The following FOCAD variants were observed in gnomAD, a reference collection of about 807,000 sequenced individuals.
FOCAD encodes the protein focadhesin.
In FOCAD, 198 loss-of-function variants were observed where a neutral mutation model predicts 225.6. That is an observed-to-expected ratio of 0.88 (90% CI 0.78 to 0.99). FOCAD has a LOEUF of 0.99. Among genes scored for constraint, FOCAD ranks in the 50% least tolerant of loss-of-function variants. The pLI, the probability that FOCAD is intolerant of heterozygous loss-of-function variation, is 0.00. For missense variants in FOCAD, 2,713 were observed against 2,123.6 expected, an observed-to-expected ratio of 1.28 and a Z score of -5.46; for synonymous variants, 897 against 755.0, an observed-to-expected ratio of 1.19 and a Z score of -3.08.
chr9:20,706,821 T>G (rs1824428181), intron 1 of FOCAD, among the ~76,000 whole-genome samples: 1 of 152,230 alleles, frequency 6.6e-6, no homozygotes, highest in African/African-American at 2.4e-5. Context: ...TCCAGGTATG[T>G]AGCCGTGCAG....
intron 34 of FOCAD, among the ~76,000 whole-genome samples, chr9:20,952,239 ATCAGGTACTAGTGAATCATCTTATAC>A (rs1212655804): frequency 6.6e-6 from 1 of 152,150 alleles, no homozygotes; most frequent in African/African-American, 2.4e-5. Flanking sequence ...ATATACTCAA[ATCAGGTACTAGTGAATCATCTTATAC>A]CCAGGTTCTT....
chr9:20,933,271 T>G (rs891479643), intron 28 of FOCAD, among the ~76,000 whole-genome samples, 168 bp downstream of exon 28: 1 of 152,192 alleles, frequency 6.6e-6, no homozygotes, highest in African/African-American at 2.4e-5. Flanking sequence ...TAGTGGTGAT[T>G]TGTGAGATTT....
chr9:20,770,048 A>G lies in FOCAD; in HGVS notation c.716A>G (p.Gln239Arg), dbSNP rs1818035183. The G allele has an allele frequency of 6.2e-7, 1 of 1,613,902 alleles. No homozygotes were observed. The highest frequency in any genetic ancestry group is 8.5e-7 in the Non-Finnish European group (1 of 1,179,912). Residue 239 changes from glutamine to arginine, a missense_variant, in exon 8 of 44, where the codon CAG (glutamine) becomes CGG (arginine). Coordinates refer to ENST00000338382, the MANE Select transcript of FOCAD (RefSeq NM_001375567.1). ...VPCLQVKDLI[Q>R]TTEAMMFIEE... is the part of the protein sequence containing the mutation. ...TTTAAACAGGTAAAAGATTTGATACAGACAACAGAGGCGATGATGTTTATT... is the reference window on the plus strand; with the variant it reads ...TTTAAACAGGTAAAAGATTTGATACGGACAACAGAGGCGATGATGTTTATT...
chr9:20,924,585 A>T (rs993795688), intron 25 of FOCAD, among the ~76,000 whole-genome samples: 1 of 152,162 alleles, frequency 6.6e-6, no homozygotes, highest in African/African-American at 2.4e-5. Context: ...ACCATTCAAA[A>T]TTATTCAGTC....
chr9:20,688,206 G>C (rs1331182211), intron 1 of FOCAD, among the ~76,000 whole-genome samples: 1 of 152,190 alleles, frequency 6.6e-6, no homozygotes, highest in Non-Finnish European at 1.5e-5. Context: ...TCAGTTTCAT[G>C]AGGCAATGTG....
intron 4 of FOCAD, among the ~76,000 whole-genome samples, chr9:20,729,109 C>G (rs1287737929): frequency 6.6e-6 from 1 of 152,194 alleles, no homozygotes; most frequent in Non-Finnish European, 1.5e-5. Flanking sequence ...TGTTAGTTTT[C>G]TAGGGCTACT....
rs570167697 is a variant in FOCAD, at chr9:20,665,136, A to T, written c.-78+6310A>T. Among the ~76,000 whole-genome samples the T allele has an allele frequency of 5.1e-4, 78 of 152,330 alleles. 2 individuals are homozygous for T. In the South Asian group the frequency reaches 0.016, roughly 31 times the overall value. On this transcript the variant is annotated intron_variant, in intron 2 of 45. Transcript: ENST00000380249. ...TGATTGTTAATGGCTTAATAGAGCT[A>T]GAGTTACTGGCTTAGAGACTGCTAA...
At chr9:20,940,537 T>C (rs879678105) in intron 28 of FOCAD, among the ~76,000 whole-genome samples, 2 of 152,144 alleles carry the variant, frequency 1.3e-5, no homozygotes, top group African/African-American at 2.4e-5. Flanking sequence ...CTCCCAACCC[T>C]GGCCTCCCAA....
chr9:20,791,092 A>G (rs1018796034), intron 11 of FOCAD, among the ~76,000 whole-genome samples: 1 of 152,178 alleles, frequency 6.6e-6, no homozygotes, highest in Non-Finnish European at 1.5e-5. Flanking sequence ...TAATCTCTAG[A>G]ATAGTTAATG....
chr9:20,908,591 T>G (rs1215258832), intron 22 of FOCAD, among the ~76,000 whole-genome samples: 1 of 152,068 alleles, frequency 6.6e-6, no homozygotes. Flanking sequence ...TTTAAAGATG[T>G]TCCTTTGGAA....
intron 35 of FOCAD, among the ~76,000 whole-genome samples, chr9:20,968,690 C>T (rs1044618474): frequency 2.6e-5 from 4 of 151,932 alleles, no homozygotes; most frequent in Non-Finnish European, 4.4e-5. Flanking sequence ...CTGCCCACCT[C>T]GGCCTCCCAA....
chr9:20,679,121 A>ATGTATG (rs919282378), intron 2 of FOCAD, among the ~76,000 whole-genome samples: 3 of 121,942 alleles, frequency 2.5e-5, no homozygotes, highest in Admixed American at 8.4e-5. Context: ...CAGTCTGTGT[A>ATGTATG]TGTGTGTGTG....
At chr9:20,792,625 T>C (rs1156649841) in intron 11 of FOCAD, among the ~76,000 whole-genome samples, 1 of 152,250 alleles carries the variant, frequency 6.6e-6, no homozygotes, top group East Asian at 1.9e-4. Context: ...TGAGGTATTT[T>C]ATTTTCTTTT....
chr9:20,690,830 C>A (rs1822927294), intron 1 of FOCAD, among the ~76,000 whole-genome samples: 1 of 152,104 alleles, frequency 6.6e-6, no homozygotes, highest in African/African-American at 2.4e-5. Flanking sequence ...TAGGCGGAGG[C>A]ACCATGCCTG....
At chr9:20,809,175 A>T (rs950277623) in intron 11 of FOCAD, among the ~76,000 whole-genome samples, 1 of 152,132 alleles carries the variant, frequency 6.6e-6, no homozygotes, top group African/African-American at 2.4e-5. Context: ...CTGTTTCCCT[A>T]TTGATAGACA....
chr9:20,915,379 C>T (rs899122697), intron 23 of FOCAD, among the ~76,000 whole-genome samples: 6 of 151,870 alleles, frequency 4.0e-5, no homozygotes, highest in African/African-American at 1.5e-4. Flanking sequence ...TTATCAGTGA[C>T]GTAGAAAGAG....
intron 11 of FOCAD, among the ~76,000 whole-genome samples, chr9:20,793,554 A>G (rs1489537127): frequency 1.3e-5 from 2 of 152,158 alleles, no homozygotes; most frequent in African/African-American, 4.8e-5. Flanking sequence ...TTCAACCCCT[A>G]CCACTGTGAT....
intron 15 of FOCAD, among the ~76,000 whole-genome samples, chr9:20,840,124 ATGGTTT>A (rs1826372750): frequency 6.6e-6 from 1 of 151,916 alleles, no homozygotes; most frequent in Non-Finnish European, 1.5e-5. Flanking sequence ...TTTGCTCGGG[ATGGTTT>A]TGGCTATTCT....
At chr9:20,964,430 T>C (rs1839062123) in intron 35 of FOCAD, among the ~76,000 whole-genome samples, 1 of 152,052 alleles carries the variant, frequency 6.6e-6, no homozygotes, top group South Asian at 2.1e-4. Context: ...AATGATTAAC[T>C]CTCTAAAAAT....
Sources: allele counts gnomAD v4.1 joint callset (sites outside exome capture counted in the v4.1 genomes callset), GRCh38; gene constraint gnomAD v4.1.1; transcripts MANE v1.5; gene names NCBI Gene and HGNC (gene_info 2026-07-23, HGNC 2026-07-21).